The following KSR2 variants were observed in gnomAD, a reference collection of about 807,000 sequenced individuals.
KSR2 encodes kinase suppressor of ras 2.
A neutral mutation model predicts 107.8 loss-of-function variants in KSR2; 25 were observed. The observed-to-expected ratio is 0.23, with a 90% CI of 0.17 to 0.32. The LOEUF is 0.32. KSR2 is among the 10% of genes least tolerant of loss of function. KSR2 has a pLI of 1.00. For missense variants in KSR2, 887 were observed against 1,268.9 expected, an observed-to-expected ratio of 0.70 and a Z score of 4.57; for synonymous variants, 480 against 507.0, an observed-to-expected ratio of 0.95 and a Z score of 0.71.
intron 1 of KSR2, among the ~76,000 whole-genome samples, chr12:117,923,660 A>AAT (rs112555451): frequency 0.1 from 15,430 of 151,526 alleles, 858 homozygotes; most frequent in Middle Eastern, 0.13. Flanking sequence ...ACTGTCTTAA[A>AAT]ATATATATGT....
At position 117,466,099 on chromosome 12, in the gene KSR2, C is replaced by T. The variant is rs1280328338; in HGVS notation, c.*1100G>A. The stretch of plus-strand genomic sequence containing the variant: ...TAGAGCAAAGAACGCAGAAGTGTAA[C>T]AAACATCCTCCCTTTGTGCTCCCCC... On this transcript the variant is annotated 3_prime_UTR_variant, in exon 20 of 20. Coordinates refer to ENST00000339824, the MANE Select transcript of KSR2 (RefSeq NM_173598.6). The T allele has an allele frequency of 6.6e-6, 1 of 152,268 alleles. No individual in the cohort carries two copies. The highest frequency in any genetic ancestry group is 1.9e-4 in the East Asian group (1 of 5,198). 9.4% of individuals were successfully genotyped at this position (152,268 alleles called of 1,614,324 possible). A position where few individuals can be genotyped will look rare whatever the true frequency, so the allele number is the denominator to read the frequency against.
At chr12:117,558,719 T>C in intron 7 of KSR2, 146 bp from the exon 8 acceptor site, 1 of 593,610 alleles carries the variant, frequency 1.7e-6, no homozygotes. Flanking sequence ...GATAGATGGG[T>C]GAGTAGATGA....
rs528151577 is a variant in KSR2 at position 117,876,045 on chromosome 12, T to C, written c.181-15614A>G. ...CACTAAAAATAAATCCCAAGTCCTT[T>C]TCCAAGCGGGCACAGTGCACCTGCA... On this transcript the variant is annotated intron_variant, in intron 1 of 19. Coordinates refer to ENST00000339824, the MANE Select transcript of KSR2 (RefSeq NM_173598.6). 4.6e-5 allele frequency among the ~76,000 whole-genome samples: 7 copies of C among 152,272 alleles called. No individual in the cohort carries two copies. In the East Asian group the frequency reaches 1.4e-3, roughly 29 times the overall value.
chr12:117,635,352 T>A (rs2136385221), intron 5 of KSR2, among the ~76,000 whole-genome samples: 1 of 152,260 alleles, frequency 6.6e-6, no homozygotes, highest in Admixed American at 6.5e-5. Flanking sequence ...CTAAAAGAGA[T>A]GAATAACCTA....
At chr12:117,589,703 T>G (rs1021843057) in intron 5 of KSR2, among the ~76,000 whole-genome samples, 1 of 152,248 alleles carries the variant, frequency 6.6e-6, no homozygotes, top group African/African-American at 2.4e-5. Context: ...GCTCATGATA[T>G]CATTCACATA....
At chr12:117,769,090 A>T (rs1245860931) in intron 3 of KSR2, among the ~76,000 whole-genome samples, 1 of 152,192 alleles carries the variant, frequency 6.6e-6, no homozygotes, top group African/African-American at 2.4e-5. Context: ...CAGGACACCC[A>T]AGAGCAGATT....
intron 3 of KSR2, among the ~76,000 whole-genome samples, chr12:117,833,033 G>A (rs1442724924): frequency 6.6e-6 from 1 of 152,180 alleles, no homozygotes; most frequent in Non-Finnish European, 1.5e-5. Context: ...TCGTGGGGCG[G>A]GGGGTGGTGG....
chr12:117,536,550 C>T (rs1264298877), intron 10 of KSR2, among the ~76,000 whole-genome samples: 2 of 152,206 alleles, frequency 1.3e-5, no homozygotes, highest in Non-Finnish European at 2.9e-5. Context: ...TTACTGCACA[C>T]ATGCCAACAC....
intron 3 of KSR2, among the ~76,000 whole-genome samples, chr12:117,790,486 A>G (rs901836956): frequency 6.6e-6 from 1 of 152,152 alleles, no homozygotes; most frequent in Non-Finnish European, 1.5e-5. Flanking sequence ...TCAGATATGC[A>G]TTTGTCTCAA....
At chr12:117,482,430 A>G (rs1275185544) in intron 16 of KSR2, among the ~76,000 whole-genome samples, 1 of 152,196 alleles carries the variant, frequency 6.6e-6, no homozygotes, top group Non-Finnish European at 1.5e-5. Flanking sequence ...ATTGCAGAAT[A>G]AAGGATAAAA....
At chr12:117,860,499 AC>A in intron 1 of KSR2, 68 bp from the exon 2 acceptor site, 4 of 1,458,400 alleles carry the variant, frequency 2.7e-6, no homozygotes, top group Non-Finnish European at 3.7e-6. Flanking sequence ...AGAGGCGAGA[AC>A]CCCCTACGAA....
intron 10 of KSR2, among the ~76,000 whole-genome samples, chr12:117,536,584 C>CAT (rs893104136): frequency 2.6e-5 from 4 of 152,098 alleles, no homozygotes; most frequent in South Asian, 2.1e-4. Context: ...GGTACACAGA[C>CAT]ATATATATAT....
intron 7 of KSR2, among the ~76,000 whole-genome samples, chr12:117,568,707 T>C (rs115128553): frequency 0.024 from 3,610 of 152,244 alleles, 147 homozygotes; most frequent in African/African-American, 0.082. Flanking sequence ...GAGCCCCCAA[T>C]ACATGATAGC....
intron 4 of KSR2, among the ~76,000 whole-genome samples, chr12:117,745,173 CTT>C (rs35248198): frequency 0.11 from 17,203 of 152,136 alleles, 1,003 homozygotes; most frequent in Non-Finnish European, 0.13. Context: ...CTGCCACAGA[CTT>C]TGGGTAAAAT....
chr12:117,572,817 A>G (rs577258367), intron 7 of KSR2, among the ~76,000 whole-genome samples: 1 of 152,234 alleles, frequency 6.6e-6, no homozygotes, highest in African/African-American at 2.4e-5. Context: ...AAATGCAGAT[A>G]GGGGTAGAGA....
intron 4 of KSR2, among the ~76,000 whole-genome samples, chr12:117,714,175 C>T (rs1282557942): frequency 6.6e-6 from 1 of 152,154 alleles, no homozygotes; most frequent in Non-Finnish European, 1.5e-5. Context: ...TCAAATCTTA[C>T]TGATCTATTA....
chr12:117,681,613 G>A (rs1565958666), intron 4 of KSR2, among the ~76,000 whole-genome samples: 1 of 152,198 alleles, frequency 6.6e-6, no homozygotes, highest in Non-Finnish European at 1.5e-5. Flanking sequence ...ACTTTGGGAA[G>A]CTGTTGGAGG....
chr12:117,657,686 A>C (rs1458310992), intron 5 of KSR2, among the ~76,000 whole-genome samples: 2 of 152,220 alleles, frequency 1.3e-5, no homozygotes, highest in African/African-American at 4.8e-5. Context: ...GCAGCTCTGG[A>C]GGGCAACAAG....
intron 7 of KSR2, among the ~76,000 whole-genome samples, chr12:117,572,696 C>A (rs1429536877): frequency 7.2e-6 from 1 of 139,514 alleles, no homozygotes; most frequent in African/African-American, 2.8e-5. Context: ...CACTCCAGCC[C>A]ATTAAAAAAA....
Sources: gnomAD v4.1 joint callset for allele counts (sites outside exome capture counted in the v4.1 genomes callset) on GRCh38, gnomAD v4.1.1 for gene constraint, MANE v1.5 for transcripts, NCBI Gene and HGNC (gene_info 2026-07-23, HGNC 2026-07-21) for gene names.